The following HPSE2 variants were observed in gnomAD, a reference collection of about 807,000 sequenced individuals.
HPSE2 encodes inactive heparanase-2.
HPSE2 carries 38 observed loss-of-function variants against 60.5 expected under a neutral mutation model. The ratio of observed to expected loss-of-function variants is 0.63; its 90% CI spans 0.48 to 0.82. The LOEUF (loss-of-function observed/expected upper bound fraction) is 0.82. HPSE2 is among the 40% of genes least tolerant of loss of function. The probability of loss-of-function intolerance (pLI) is 0.00; values close to 1 mark genes in which losing one functional copy is unlikely to be tolerated. For synonymous variants in HPSE2, 295 were observed against 293.2 expected (o/e 1.01, Z -0.06); for missense variants, 713 against 740.4 (o/e 0.96, Z 0.43).
chr10:99,135,995 G>A (rs898777197), intron 3 of HPSE2, among the ~76,000 whole-genome samples: 69 of 152,014 alleles, frequency 4.5e-4, no homozygotes, highest in Middle Eastern at 6.8e-3. Flanking sequence ...CCACTAGCCA[G>A]GCTAATACAG....
intron 9 of HPSE2, among the ~76,000 whole-genome samples, chr10:98,492,009 G>A (rs1041271630): frequency 1.6e-4 from 25 of 152,070 alleles, no homozygotes; most frequent in Non-Finnish European, 2.5e-4. Context: ...CTCCAATTCC[G>A]GCTCACTACA....
chr10:98,508,844 T>G (rs746284586), intron 9 of HPSE2, among the ~76,000 whole-genome samples: 2 of 152,120 alleles, frequency 1.3e-5, no homozygotes, highest in South Asian at 4.1e-4. Context: ...GTTAAGGCAA[T>G]AGTGGGACAA....
chr10:99,161,838 A>G (rs1238935592), intron 2 of HPSE2, among the ~76,000 whole-genome samples: 1 of 152,228 alleles, frequency 6.6e-6, no homozygotes, highest in Non-Finnish European at 1.5e-5. Flanking sequence ...ATAAAGAAGA[A>G]TATTATTCAG....
At chr10:98,896,191 T>C (rs569010853) in intron 3 of HPSE2, among the ~76,000 whole-genome samples, 1 of 152,218 alleles carries the variant, frequency 6.6e-6, no homozygotes, top group African/African-American at 2.4e-5. Flanking sequence ...AAATATCTCA[T>C]TGCCTACAGT....
chr10:98,576,290 C>T (rs1453211307), intron 9 of HPSE2, among the ~76,000 whole-genome samples: 4 of 149,624 alleles, frequency 2.7e-5, no homozygotes, highest in Admixed American at 2.0e-4. Context: ...ATCCTGTAGG[C>T]TGGGGAGGGG....
chr10:99,264,051 A>C, the HPSE2 span, among the ~76,000 whole-genome samples: 1 of 146,252 alleles, frequency 6.8e-6, no homozygotes. Context: ...TATCAATCTC[A>C]CTCACTCTCT....
chr10:98,732,856 T>C (rs993273787), intron 4 of HPSE2, among the ~76,000 whole-genome samples: 1 of 152,100 alleles, frequency 6.6e-6, no homozygotes, highest in African/African-American at 2.4e-5. Context: ...TATTTGCAAA[T>C]CATATACTTG....
chr10:99,072,176 G>C (rs73324219), intron 3 of HPSE2, among the ~76,000 whole-genome samples: 1,712 of 152,078 alleles, frequency 0.011, 32 homozygotes, highest in African/African-American at 0.038. Flanking sequence ...GGGTAGTATG[G>C]ACATTTTAAT....
At chr10:98,613,142 C>G (rs144819549) in intron 9 of HPSE2, among the ~76,000 whole-genome samples, 7 of 152,328 alleles carry the variant, frequency 4.6e-5, no homozygotes, top group African/African-American at 1.7e-4. Context: ...AGGGCCCAAG[C>G]AGTGCTCTCT....
At chr10:98,904,699 G>A (rs1953761156) in intron 3 of HPSE2, among the ~76,000 whole-genome samples, 1 of 152,070 alleles carries the variant, frequency 6.6e-6, no homozygotes, top group Non-Finnish European at 1.5e-5. Flanking sequence ...TAAAAACTGT[G>A]AATTATCTCC....
intron 2 of HPSE2, among the ~76,000 whole-genome samples, chr10:99,184,819 TAGAGAGAG>T (rs1177556672): frequency 0.017 from 331 of 19,790 alleles, 36 homozygotes; most frequent in Non-Finnish European, 0.018. Context: ...TATATATATA[TAGAGAGAG>T]AGAGAGAGAG....
At chr10:98,637,297 T>G (rs142195290) in intron 7 of HPSE2, among the ~76,000 whole-genome samples, 1 of 152,036 alleles carries the variant, frequency 6.6e-6, no homozygotes, top group Admixed American at 6.6e-5. Flanking sequence ...GCCAAAAATA[T>G]CACCTATCAT....
intron 3 of HPSE2, among the ~76,000 whole-genome samples, chr10:99,114,616 C>G (rs1427044978): frequency 1.3e-5 from 2 of 151,994 alleles, no homozygotes; most frequent in African/African-American, 4.8e-5. Flanking sequence ...CAAGTCTAAT[C>G]CTGAGAAAAG....
intron 3 of HPSE2, among the ~76,000 whole-genome samples, chr10:98,981,592 C>T (rs1262563831): frequency 1.3e-5 from 2 of 152,120 alleles, no homozygotes; most frequent in Non-Finnish European, 2.9e-5. Context: ...CTGAAAAATC[C>T]AGTCTTTGCA....
intron 3 of HPSE2, among the ~76,000 whole-genome samples, chr10:98,894,871 C>T (rs1564638555): frequency 6.7e-6 from 1 of 150,190 alleles, no homozygotes; most frequent in Non-Finnish European, 1.5e-5. Context: ...TTAAAAGCAG[C>T]CAGAGAGAAA....
At chr10:98,595,450 G>A (rs1016157282) in intron 9 of HPSE2, among the ~76,000 whole-genome samples, 61 of 152,278 alleles carry the variant, frequency 4.0e-4, no homozygotes, top group African/African-American at 8.4e-4. Flanking sequence ...GATTACAGGC[G>A]TGAGCCACCA....
chr10:98,883,200 G>A (rs1472033717), intron 3 of HPSE2, among the ~76,000 whole-genome samples: 1 of 151,884 alleles, frequency 6.6e-6, no homozygotes, highest in African/African-American at 2.4e-5. Context: ...TATACATTTT[G>A]GCACAATTTA....
At chr10:98,866,842 A>G (rs1240642066) in intron 3 of HPSE2, among the ~76,000 whole-genome samples, 3 of 152,214 alleles carry the variant, frequency 2.0e-5, no homozygotes, top group Admixed American at 2.0e-4. Flanking sequence ...AGGACAAATA[A>G]TTCATCACCA....
intron 9 of HPSE2, among the ~76,000 whole-genome samples, chr10:98,586,285 C>A (rs552851669): frequency 6.6e-6 from 1 of 152,212 alleles, no homozygotes; most frequent in African/African-American, 2.4e-5. Context: ...GAGTCATTTT[C>A]TATCCTTGGA....
Sources: allele counts gnomAD v4.1 joint callset (sites outside exome capture counted in the v4.1 genomes callset), GRCh38; gene constraint gnomAD v4.1.1; transcripts MANE v1.5; gene names NCBI Gene and HGNC (gene_info 2026-07-23, HGNC 2026-07-21).